ESRRG: variants seen among roughly 807,000 people sequenced by gnomAD.
ESRRG encodes estrogen related receptor gamma.
Under a neutral mutation model 44.0 loss-of-function variants are expected in ESRRG, and 13 were observed. That is an observed-to-expected ratio of 0.30 (90% CI 0.19 to 0.47). The LOEUF is 0.47. Ranked by LOEUF, ESRRG falls within the 20% of genes least tolerant of loss-of-function variation. The pLI is 1.00. For synonymous variants in ESRRG, 215 were observed against 214.6 expected (o/e 1.00, Z -0.02); for missense variants, 395 against 580.6 (o/e 0.68, Z 3.29).
intron 1 of ESRRG, among the ~76,000 whole-genome samples, chr1:216,941,349 T>C (rs1458233237): frequency 6.6e-6 from 1 of 152,154 alleles, no homozygotes; most frequent in Non-Finnish European, 1.5e-5. Flanking sequence ...TTTCAACAGT[T>C]ATATGGCTGC....
chr1:216,569,447 C>T (rs1194574822), intron 3 of ESRRG, among the ~76,000 whole-genome samples: 1 of 151,976 alleles, frequency 6.6e-6, no homozygotes, highest in Non-Finnish European at 1.5e-5. Flanking sequence ...GGTCAAGATT[C>T]AAAGGGGATT....
chr1:217,135,900 C>A (rs1432508251), intron 1 of ESRRG, among the ~76,000 whole-genome samples: 1 of 152,210 alleles, frequency 6.6e-6, no homozygotes, highest in Non-Finnish European at 1.5e-5. Flanking sequence ...AGCAGGCGTG[C>A]ATTTTGCTCA....
At chr1:216,525,869 C>G (rs1458692076) in intron 5 of ESRRG, among the ~76,000 whole-genome samples, 1 of 152,056 alleles carries the variant, frequency 6.6e-6, no homozygotes, top group African/African-American at 2.4e-5. Flanking sequence ...ACCAGTGGTC[C>G]ATAGAAAACC....
At chr1:216,982,976 T>C (rs1404924871) in intron 1 of ESRRG, among the ~76,000 whole-genome samples, 2 of 151,638 alleles carry the variant, frequency 1.3e-5, no homozygotes, top group African/African-American at 2.4e-5. Flanking sequence ...AAAGCTCTGG[T>C]CCGGGAGTCA....
intron 2 of ESRRG, among the ~76,000 whole-genome samples, chr1:216,739,334 A>G (rs1559470507): frequency 1.3e-5 from 2 of 152,166 alleles, no homozygotes; most frequent in African/African-American, 4.8e-5. Context: ...ATAGTTCTAC[A>G]TAAGCTATTT....
intron 1 of ESRRG, among the ~76,000 whole-genome samples, chr1:217,112,750 T>C (rs1482017634): frequency 6.6e-6 from 1 of 152,154 alleles, no homozygotes; most frequent in Admixed American, 6.5e-5. Flanking sequence ...AATGGTTAAT[T>C]ACTTCAGGAT....
intron 2 of ESRRG, among the ~76,000 whole-genome samples, chr1:216,926,344 G>T (rs1330280461): frequency 1.3e-5 from 2 of 151,658 alleles, no homozygotes; most frequent in Admixed American, 6.6e-5. Context: ...TTGTTCCCTG[G>T]CCTGTTCTGT....
At chr1:217,111,678 A>C (rs369123732) in intron 1 of ESRRG, among the ~76,000 whole-genome samples, 141 of 152,252 alleles carry the variant, frequency 9.3e-4, no homozygotes, top group African/African-American at 3.1e-3. Flanking sequence ...GAGGCTCCTG[A>C]AACATCTCCC....
chr1:216,976,441 T>C (rs996813672), intron 1 of ESRRG, among the ~76,000 whole-genome samples: 3 of 152,116 alleles, frequency 2.0e-5, no homozygotes, highest in Non-Finnish European at 4.4e-5. Context: ...ATGTTTAAGC[T>C]ATTAGGTGAA....
intron 2 of ESRRG, among the ~76,000 whole-genome samples, chr1:216,900,372 C>T (rs1347871739): frequency 6.6e-6 from 1 of 152,156 alleles, no homozygotes; most frequent in Non-Finnish European, 1.5e-5. Flanking sequence ...CTTACTGCTT[C>T]CCCAGAAGCA....
intron 2 of ESRRG, among the ~76,000 whole-genome samples, chr1:216,830,886 A>G (rs991258469): frequency 2.0e-5 from 3 of 152,210 alleles, no homozygotes; most frequent in African/African-American, 7.2e-5. Flanking sequence ...GGAATGTGCA[A>G]AGGAATTGTT....
rs1327310733 is a variant in ESRRG at position 216,519,336 on chromosome 1, C to G, written c.948G>C (p.Arg316=). ...MEILILGVVY[R]SLSFEDELVY... ...CAAGTTCATCCTCAAACGAAAGAGA[C>G]CGGTATACGACACCAAGGATCAAAA... is the stretch of plus-strand genomic sequence containing the variant. The change falls in exon 6 of 7, where the codon CGG becomes CGC. Residue 316 remains arginine (R), a synonymous_variant. Coordinates refer to ENST00000408911, the MANE Select transcript of ESRRG (RefSeq NM_001438.4). 9 of 1,613,728 alleles carry G rather than the reference C, an allele frequency of 5.6e-6. No homozygotes were observed. The African/African-American group carries it at 1.2e-4, about 22-fold the overall frequency.
intron 1 of ESRRG, among the ~76,000 whole-genome samples, chr1:217,136,572 C>T (rs1296696031): frequency 3.3e-5 from 5 of 152,152 alleles, no homozygotes; most frequent in Non-Finnish European, 7.3e-5. Context: ...CCCGCACGCC[C>T]TCACCCCTGT....
intron 1 of ESRRG, among the ~76,000 whole-genome samples, chr1:216,684,955 G>C (rs1303196726): frequency 6.6e-6 from 1 of 152,192 alleles, no homozygotes; most frequent in Non-Finnish European, 1.5e-5. Context: ...GACGCCAATG[G>C]ATCCGAAGAG....
At chr1:217,082,218 G>A (rs141876855) in intron 1 of ESRRG, among the ~76,000 whole-genome samples, 3 of 152,222 alleles carry the variant, frequency 2.0e-5, no homozygotes, top group Admixed American at 6.5e-5. Context: ...TGTACCAACC[G>A]AAGACCACTC....
chr1:216,704,031 A>G (rs1461122158), intron 1 of ESRRG, among the ~76,000 whole-genome samples: 2 of 152,208 alleles, frequency 1.3e-5, no homozygotes, highest in East Asian at 1.9e-4. Context: ...TTGAAAAAAT[A>G]TAAAAAGGAT....
At chr1:216,515,774 T>C (rs1218185281) in intron 6 of ESRRG, among the ~76,000 whole-genome samples, 3 of 152,128 alleles carry the variant, frequency 2.0e-5, no homozygotes, top group Non-Finnish European at 4.4e-5. Flanking sequence ...AGATTGAAGT[T>C]CTTATGACTC....
At chr1:216,851,236 C>T (rs773542874) in intron 2 of ESRRG, among the ~76,000 whole-genome samples, 1 of 151,780 alleles carries the variant, frequency 6.6e-6, no homozygotes, top group Non-Finnish European at 1.5e-5. Context: ...CTCAGAGTGC[C>T]CACTCATTAC....
chr1:216,771,813 G>GGT (rs1201114698), intron 2 of ESRRG, among the ~76,000 whole-genome samples: 4 of 116,650 alleles, frequency 3.4e-5, no homozygotes, highest in African/African-American at 1.4e-4. Context: ...TTAAGTTTGT[G>GGT]GTGTTTTTTT....
Sources: gnomAD v4.1 joint callset for allele counts (sites outside exome capture counted in the v4.1 genomes callset) on GRCh38, gnomAD v4.1.1 for gene constraint, MANE v1.5 for transcripts, NCBI Gene and HGNC (gene_info 2026-07-23, HGNC 2026-07-21) for gene names.